The following MBNL1 variants were observed in gnomAD, a reference collection of about 807,000 sequenced individuals.
The protein encoded by MBNL1 is muscleblind-like protein 1.
A neutral mutation model predicts 42.2 loss-of-function variants in MBNL1; 8 were observed. The observed-to-expected ratio is 0.19, with a 90% CI of 0.11 to 0.34. MBNL1 has a LOEUF of 0.34. Ranked by LOEUF, MBNL1 falls within the 10% of genes least tolerant of loss-of-function variation. The pLI is 1.00. For missense variants in MBNL1, 309 were observed against 495.3 expected (o/e 0.62, Z 3.57); for synonymous variants, 169 against 173.9 (o/e 0.97, Z 0.22).
At chr3:152,404,024 C>T (rs904006272) in intron 2 of MBNL1, among the ~76,000 whole-genome samples, 4 of 152,174 alleles carry the variant, frequency 2.6e-5, no homozygotes, top group African/African-American at 7.2e-5. Flanking sequence ...ACCTTTTCTT[C>T]GTGCTCTGTC....
Position 152,422,736 on chromosome 3 carries a change from T to C in MBNL1, c.345+7625T>C, listed in dbSNP as rs535510906. 2.0e-5 allele frequency among the ~76,000 whole-genome samples: 3 copies of C among 152,252 alleles called. 1 individual carries two copies. Among genetic ancestry groups the C allele is most frequent in the African/African-American group, 7.2e-5 (3 of 41,548 alleles). ...CTCAAAAGGTGCAAAAGAACAGATA[T>C]CATAAACAGTCTCTCAGACCACAGT... On this transcript the variant is annotated intron_variant, in intron 3 of 9. Coordinates refer to ENST00000324210, the MANE Select transcript of MBNL1 (RefSeq NM_021038.5).
At position 152,463,502 on chromosome 3, in the gene MBNL1, C is replaced by G. The variant is rs1748634879; in HGVS notation, c.*1136C>G. The G allele has an allele frequency of 6.6e-6, 1 of 152,428 alleles. No individual in the cohort carries two copies. The highest frequency in any genetic ancestry group is 2.4e-5 in the African/African-American group (1 of 41,432). 9.4% of individuals were successfully genotyped at this position (152,428 alleles called of 1,614,324 possible). ...ATCACAGTCACATTCAAAATAGTGA[C>G]TCTAAACAAAGAAGAAAGCAGCACT... On this transcript the variant is annotated 3_prime_UTR_variant, in exon 10 of 10. Transcript: ENST00000324210.
At chr3:152,256,935 G>A (rs2035524852) in intron 2 of MBNL1, among the ~76,000 whole-genome samples, 1 of 152,234 alleles carries the variant, frequency 6.6e-6, no homozygotes, top group African/African-American at 2.4e-5. Flanking sequence ...GCAGTTGGAT[G>A]TGTTGTTGTA....
At chr3:152,297,327 T>G (rs1357161844) in intron 1 of MBNL1, among the ~76,000 whole-genome samples, 5 of 150,626 alleles carry the variant, frequency 3.3e-5, no homozygotes. Context: ...AAATATTTCT[T>G]GAACACTGGG....
intron 2 of MBNL1, among the ~76,000 whole-genome samples, chr3:152,303,198 T>C (rs1255161763): frequency 6.6e-6 from 1 of 152,148 alleles, no homozygotes; most frequent in Non-Finnish European, 1.5e-5. Context: ...AATGTAGAAG[T>C]CTGTATCGTA....
At chr3:152,303,748 A>G (rs2061697328) in intron 2 of MBNL1, among the ~76,000 whole-genome samples, 2 of 152,164 alleles carry the variant, frequency 1.3e-5, no homozygotes, top group Admixed American at 1.3e-4. Context: ...AGCTTTTACG[A>G]TATGATCAAC....
intron 1 of MBNL1, among the ~76,000 whole-genome samples, chr3:152,282,376 C>T (rs950627962): frequency 2.0e-5 from 3 of 151,890 alleles, no homozygotes; most frequent in African/African-American, 7.3e-5. Context: ...ATTAAAGATT[C>T]CATGCTAATA....
chr3:152,442,822 A>T (rs939870596), intron 4 of MBNL1, among the ~76,000 whole-genome samples: 5 of 152,234 alleles, frequency 3.3e-5, no homozygotes, highest in Admixed American at 6.5e-5. Flanking sequence ...GTAAATTTCC[A>T]GTCCCACTGG....
chr3:152,324,552 C>T (rs187399646), intron 2 of MBNL1, among the ~76,000 whole-genome samples: 18 of 152,298 alleles, frequency 1.2e-4, no homozygotes, highest in Non-Finnish European at 1.8e-4. Context: ...TGGAAATTGG[C>T]AGATGGCAAC....
intron 1 of MBNL1, among the ~76,000 whole-genome samples, chr3:152,281,492 G>T (rs770727789): frequency 1.8e-4 from 27 of 152,022 alleles, no homozygotes; most frequent in Non-Finnish European, 3.2e-4. Flanking sequence ...CACTAGCTTT[G>T]AAAGGAGGGG....
chr3:152,435,785 A>G (rs2099070850), intron 4 of MBNL1, among the ~76,000 whole-genome samples: 1 of 151,940 alleles, frequency 6.6e-6, no homozygotes, highest in African/African-American at 2.4e-5. Flanking sequence ...ATTCCTAAGT[A>G]TTTTATTCTT....
intron 2 of MBNL1, among the ~76,000 whole-genome samples, chr3:152,246,942 C>T (rs1303127715): frequency 2.6e-5 from 4 of 151,956 alleles, no homozygotes; most frequent in African/African-American, 7.2e-5. Flanking sequence ...TTATAGAGGG[C>T]TCTATCCCAC....
At chr3:152,355,792 A>G (rs1468256349) in intron 2 of MBNL1, among the ~76,000 whole-genome samples, 1 of 152,200 alleles carries the variant, frequency 6.6e-6, no homozygotes, top group Non-Finnish European at 1.5e-5. Flanking sequence ...GATGAAAATT[A>G]TCTACTAAGT....
chr3:152,278,834 T>G (rs1031719941), intron 1 of MBNL1, among the ~76,000 whole-genome samples: 3 of 152,132 alleles, frequency 2.0e-5, no homozygotes, highest in African/African-American at 7.2e-5. Flanking sequence ...TTGTAGTAGG[T>G]CACAAGAGGG....
chr3:152,377,558 AC>A (rs2096964646), intron 2 of MBNL1, among the ~76,000 whole-genome samples: 3 of 152,226 alleles, frequency 2.0e-5, no homozygotes, highest in Admixed American at 1.3e-4. Flanking sequence ...TGTGTATAGT[AC>A]ACATTATATA....
intron 4 of MBNL1, among the ~76,000 whole-genome samples, chr3:152,434,464 C>T (rs1282926999): frequency 1.3e-5 from 2 of 152,138 alleles, no homozygotes; most frequent in African/African-American, 2.4e-5. Flanking sequence ...TTGATGGGCA[C>T]TTAAGTTGAT....
At chr3:152,291,702 T>G (rs1026608479) in intron 1 of MBNL1, among the ~76,000 whole-genome samples, 1 of 152,246 alleles carries the variant, frequency 6.6e-6, no homozygotes, top group African/African-American at 2.4e-5. Flanking sequence ...AGGCAAATGA[T>G]AAGCAGATAG....
intron 2 of MBNL1, among the ~76,000 whole-genome samples, chr3:152,253,204 C>G (rs2034924010): frequency 6.6e-6 from 1 of 152,080 alleles, no homozygotes; most frequent in Non-Finnish European, 1.5e-5. Flanking sequence ...TTTCCTACCC[C>G]TCTGTCTGCT....
rs189876093 is a variant in MBNL1 at position 152,329,708 on chromosome 3, T to A, written c.174+29341T>A. Among the ~76,000 whole-genome samples the A allele has an allele frequency of 8.1e-3, 1,188 of 146,992 alleles. 12 individuals are homozygous for A. The highest frequency in any genetic ancestry group is 0.027 in the African/African-American group (1,112 of 40,440). ...ATATCTTATATATTATATATATATATAATATATATGTCATATATAATATAT... is the reference window on the plus strand; with the variant it reads ...ATATCTTATATATTATATATATATAAAATATATATGTCATATATAATATAT... On this transcript the variant is annotated intron_variant, in intron 2 of 9. Coordinates refer to ENST00000324210, the MANE Select transcript of MBNL1 (RefSeq NM_021038.5).
Sources: gnomAD v4.1 joint callset for allele counts (sites outside exome capture counted in the v4.1 genomes callset) on GRCh38, gnomAD v4.1.1 for gene constraint, MANE v1.5 for transcripts, NCBI Gene and HGNC (gene_info 2026-07-23, HGNC 2026-07-21) for gene names.